Variants in ERG observed in about 807,000 individuals in gnomAD.
ERG encodes the protein ETS transcription factor ERG.
ERG carries 9 observed loss-of-function variants against 55.3 expected under a neutral mutation model. That is an observed-to-expected ratio of 0.16 (90% confidence interval 0.10 to 0.28). The LOEUF (loss-of-function observed/expected upper bound fraction) is 0.28. Among genes scored for constraint, ERG ranks in the 10% least tolerant of loss-of-function variants. ERG has a pLI of 1.00. For missense variants in ERG, 434 were observed against 631.6 expected (o/e 0.69, Z 3.35); for synonymous variants, 223 against 237.3 (o/e 0.94, Z 0.55).
At chr21:38,513,923 C>A (rs922661479) in intron 2 of ERG, among the ~76,000 whole-genome samples, 1 of 151,736 alleles carries the variant, frequency 6.6e-6, no homozygotes, top group East Asian at 1.9e-4. Context: ...GTTAAAATAA[C>A]CAAAGTCAAC....
At chr21:38,536,595 T>A (rs1343229733) in intron 2 of ERG, among the ~76,000 whole-genome samples, 2 of 152,174 alleles carry the variant, frequency 1.3e-5, no homozygotes, top group Admixed American at 6.5e-5. Context: ...GTTTTGAATG[T>A]GTAGAACCCA....
intron 1 of ERG, among the ~76,000 whole-genome samples, chr21:38,646,751 C>A (rs2060459293): frequency 6.6e-6 from 1 of 152,112 alleles, no homozygotes; most frequent in African/African-American, 2.4e-5. Flanking sequence ...AGGTGTTTTT[C>A]TCTTCTGATT....
At chr21:38,627,488 A>C (rs768962091) in intron 1 of ERG, among the ~76,000 whole-genome samples, 5 of 135,332 alleles carry the variant, frequency 3.7e-5, no homozygotes, top group African/African-American at 5.1e-5. Flanking sequence ...TTTTCTTCAG[A>C]AAGTCTTGCC....
rs979878205 is a variant in ERG, at chr21:38,580,420, T to C, written c.-127+4424A>G. ...AAACAAACTAAAACCATACTAAAAA[T>C]TTTTAGTAGTTGGTGATAGTTTCAT... On this transcript the variant is annotated intron_variant, in intron 1 of 8. Coordinates refer to the ERG transcript ENST00000398897. Among the ~76,000 whole-genome samples the C allele has an allele frequency of 1.9e-4, 29 of 152,366 alleles. 1 individual carries two copies. Among genetic ancestry groups the C allele is most frequent in the African/African-American group, 6.0e-4 (25 of 41,590 alleles).
chr21:38,646,100 G>A (rs569014724), intron 1 of ERG, among the ~76,000 whole-genome samples: 37 of 152,100 alleles, frequency 2.4e-4, no homozygotes, highest in African/African-American at 7.0e-4. Flanking sequence ...CCAACAGGAC[G>A]AAACCCTGTC....
intron 1 of ERG, among the ~76,000 whole-genome samples, chr21:38,494,901 G>A (rs1015501446): frequency 5.3e-5 from 8 of 152,346 alleles, no homozygotes; most frequent in Admixed American, 4.6e-4. Flanking sequence ...GACCAAGAAC[G>A]GAAGCAGCAA....
At chr21:38,627,130 T>C (rs2060329732) in intron 1 of ERG, among the ~76,000 whole-genome samples, 1 of 151,994 alleles carries the variant, frequency 6.6e-6, no homozygotes, top group Non-Finnish European at 1.5e-5. Context: ...AAGAGTATTA[T>C]TAAAAAGACA....
At chr21:38,588,451 C>G (rs537112843), upstream of ERG, among the ~76,000 whole-genome samples, 1 of 152,292 alleles carries the variant, frequency 6.6e-6, no homozygotes, top group South Asian at 2.1e-4. Flanking sequence ...ATCAGGAAAT[C>G]TGGACTGGAA....
At chr21:38,588,250 A>G (rs192505508), upstream of ERG, among the ~76,000 whole-genome samples, 25 of 152,300 alleles carry the variant, frequency 1.6e-4, 1 homozygote, top group East Asian at 4.8e-3. Context: ...CCCCAGCTCA[A>G]TCACCCCTGG....
chr21:38,524,494 T>C (rs2059616723), intron 2 of ERG, among the ~76,000 whole-genome samples: 1 of 152,200 alleles, frequency 6.6e-6, no homozygotes, highest in Admixed American at 6.5e-5. Flanking sequence ...GCACTGAAAT[T>C]ACTCAGCCTC....
chr21:38,548,906 C>G (rs925338780), intron 2 of ERG, among the ~76,000 whole-genome samples: 1 of 150,578 alleles, frequency 6.6e-6, no homozygotes, highest in African/African-American at 2.4e-5. Context: ...GTCGGGAGAT[C>G]GAGACCATCC....
chr21:38,549,390 C>G (rs1212379863), intron 2 of ERG, among the ~76,000 whole-genome samples: 2 of 151,370 alleles, frequency 1.3e-5, no homozygotes, highest in Non-Finnish European at 2.9e-5. Context: ...GAGATCTAAA[C>G]AGCTAGTTAT....
chr21:38,616,172 G>A (rs1323373291), intron 1 of ERG, among the ~76,000 whole-genome samples: 1 of 152,100 alleles, frequency 6.6e-6, no homozygotes, highest in Non-Finnish European at 1.5e-5. Flanking sequence ...TGTGAAGAAG[G>A]TGCCTGCTTC....
chr21:38,617,192 A>G (rs1372049526), intron 1 of ERG, among the ~76,000 whole-genome samples: 1 of 152,204 alleles, frequency 6.6e-6, no homozygotes, highest in African/African-American at 2.4e-5. Context: ...GTTTCTTCCA[A>G]TTCTAAGATT....
At chr21:38,532,285 G>T (rs753853525) in intron 2 of ERG, among the ~76,000 whole-genome samples, 6 of 152,100 alleles carry the variant, frequency 3.9e-5, no homozygotes, top group Middle Eastern at 3.2e-3. Context: ...GAGTTGCAAG[G>T]AAAATATATA....
upstream of ERG, among the ~76,000 whole-genome samples, chr21:38,501,627 C>T (rs570077773): frequency 3.9e-5 from 6 of 152,256 alleles, no homozygotes; most frequent in East Asian, 1.9e-4. Flanking sequence ...ATCTGGCACA[C>T]GGCCCCTACC....
At chr21:38,420,190 C>T (rs1989477557) in intron 3 of ERG, among the ~76,000 whole-genome samples, 1 of 152,152 alleles carries the variant, frequency 6.6e-6, no homozygotes, top group Non-Finnish European at 1.5e-5. Flanking sequence ...AGTGAGGTGC[C>T]TGGATACCAT....
intron 1 of ERG, among the ~76,000 whole-genome samples, chr21:38,638,691 A>G (rs1265669523): frequency 6.6e-6 from 1 of 152,068 alleles, no homozygotes. Context: ...GCAACATACG[A>G]CCCTGAGAGC....
At chr21:38,474,729 C>T (rs1273096162) in intron 1 of ERG, among the ~76,000 whole-genome samples, 2 of 21,510 alleles carry the variant, frequency 9.3e-5, no homozygotes, top group African/African-American at 3.5e-4. Context: ...AGACTTGGCT[C>T]CATTTTTTTT....
Sources: gnomAD v4.1 joint callset for allele counts (sites outside exome capture counted in the v4.1 genomes callset) on GRCh38, gnomAD v4.1.1 for gene constraint, MANE v1.5 for transcripts, NCBI Gene and HGNC (gene_info 2026-07-23, HGNC 2026-07-21) for gene names.